The following ZNF274 variants were observed in gnomAD, a reference collection of about 807,000 sequenced individuals.
ZNF274 encodes zinc finger protein 274.
ZNF274 carries 23 observed loss-of-function variants against 42.5 expected under a neutral mutation model. That is an observed-to-expected ratio of 0.54 (90% CI 0.39 to 0.77). The LOEUF (loss-of-function observed/expected upper bound fraction) is 0.77, where lower values mean the gene tolerates loss of function less well. Ranked by LOEUF, ZNF274 falls within the 30% of genes least tolerant of loss-of-function variation. ZNF274 has a pLI of 0.00. For synonymous variants in ZNF274, 292 were observed against 305.4 expected, an observed-to-expected ratio of 0.96 and a Z score of 0.46; for missense variants, 679 against 806.5, an observed-to-expected ratio of 0.84 and a Z score of 1.91.
chr19:58,212,966 CTG>C lies in ZNF274; in HGVS notation c.1788_1789del (p.Cys596TrpfsTer47). On this transcript the variant is annotated frameshift_variant, in exon 8 of 8. Coordinates refer to ENST00000617501, the MANE Select transcript of ZNF274 (RefSeq NM_133502.3). LOFTEE classifies it low-confidence loss of function (END_TRUNC). The surrounding 1 kb of genome is among the most constrained non-coding windows in gnomAD (Gnocchi z 4.6). The part of the protein sequence containing the change: ...TGAKPYKCQD[C>X]GKAFRQSSHL... ...GCGCTAAGCCCTACAAGTGTCAGGA[CTG>C]TGGAAAAGCCTTCCGCCAGAGCTCC... 6.2e-7 allele frequency: 1 copy of C among 1,614,016 alleles called. No homozygotes were observed. Among genetic ancestry groups the C allele is most frequent in the Non-Finnish European group, 8.5e-7 (1 of 1,179,896 alleles).
intron 4 of ZNF274, among the ~76,000 whole-genome samples, chr19:58,197,073 G>A (rs2075851881): frequency 6.6e-6 from 1 of 152,150 alleles, no homozygotes; most frequent in African/African-American, 2.4e-5. Context: ...TAATTGCTGT[G>A]GGAAAGGTTT....
chr19:58,191,892 C>G (rs1028593547), intron 4 of ZNF274, among the ~76,000 whole-genome samples: 1 of 152,206 alleles, frequency 6.6e-6, no homozygotes, highest in Admixed American at 6.5e-5. Flanking sequence ...AACCAAAGCA[C>G]TTACATAATC....
chr19:58,190,272 T>C (rs1255727070), intron 4 of ZNF274, among the ~76,000 whole-genome samples: 2 of 151,514 alleles, frequency 1.3e-5, no homozygotes, highest in East Asian at 3.9e-4. Context: ...CTCAGCCTCC[T>C]GAGTAGCTGG....
At position 58,213,435 on chromosome 19, in the gene ZNF274, A is replaced by G. The variant is rs566224937; in HGVS notation, c.*292A>G. ...ATAAAATCTGAAAATGTTATATAAT[A>G]ACTTTAAAAAGCCAGGTAATTAATA... is the stretch of plus-strand genomic sequence containing the variant. On this transcript the variant is annotated 3_prime_UTR_variant, in exon 8 of 8. Coordinates refer to ENST00000617501, the MANE Select transcript of ZNF274 (RefSeq NM_133502.3). 1.6e-4 allele frequency: 54 copies of G among 329,636 alleles called. 1 individual carries two copies. The South Asian group carries it at 3.5e-3, about 21-fold the overall frequency. The allele number at this position is 329,636 out of a possible 1,614,324, so 20.4% of individuals were successfully genotyped here.
Position 58,183,782 on chromosome 19 carries a change from A to G in ZNF274, c.-45-139A>G, listed in dbSNP as rs113046258. On this transcript the variant is annotated intron_variant, in intron 1 of 7. Coordinates refer to ENST00000617501, the MANE Select transcript of ZNF274 (RefSeq NM_133502.3). ...TCCTATCCAGTCCTGTGGGAGTCCT[A>G]TGACTCACTCTGGGCGTTTTCCAGT... is the stretch of plus-strand genomic sequence containing the variant. The G allele has an allele frequency of 8.1e-3, 4,882 of 600,290 alleles. 41 individuals are homozygous for G. Among genetic ancestry groups the G allele is most frequent in the Non-Finnish European group, 9.5e-3 (3,202 of 338,702 alleles). The allele number at this position is 600,290 out of a possible 1,614,324, so 37.2% of individuals were successfully genotyped here. A position where few individuals can be genotyped will look rare whatever the true frequency, so the allele number is the denominator to read the frequency against.
chr19:58,186,425 C>T (rs2075699340), intron 3 of ZNF274, among the ~76,000 whole-genome samples: 1 of 149,100 alleles, frequency 6.7e-6, no homozygotes, highest in Non-Finnish European at 1.5e-5. Context: ...CCCAGCTACT[C>T]AGGAGGCTGA....
chr19:58,211,566 G>A lies in ZNF274; in HGVS notation c.859G>A (p.Val287Met). The A allele has an allele frequency of 1.2e-6, 2 of 1,612,616 alleles. No homozygotes were observed. Among genetic ancestry groups the A allele is most frequent in the Non-Finnish European group, 1.7e-6 (2 of 1,179,042 alleles). ...CPVTVLPEEPVTFQDVAVDFS... is the reference protein window; with the variant it reads ...CPVTVLPEEPMTFQDVAVDFS... ...CACATATGTGATGTTACAGGAGCCA[G>A]TGACCTTCCAGGATGTGGCTGTGGA... The change falls in exon 7 of 8, where the codon GTG becomes ATG. Residue 287 changes from valine (V) to methionine (M), a missense_variant. Val to Met is a conservative substitution (Grantham distance 21). Transcript: ENST00000617501. This position sits in a 1 kb window ranked among gnomAD's most constrained non-coding sequence, Gnocchi z 4.8.
At chr19:58,193,448 T>C (rs904332033) in intron 4 of ZNF274, among the ~76,000 whole-genome samples, 3 of 38,718 alleles carry the variant, frequency 7.7e-5, no homozygotes, top group Non-Finnish European at 1.6e-4. Flanking sequence ...GCCTGGCCTT[T>C]TTTTTTTTTT....
chr19:58,189,711 T>C (rs1016542376), intron 4 of ZNF274, among the ~76,000 whole-genome samples: 7 of 152,224 alleles, frequency 4.6e-5, no homozygotes, highest in African/African-American at 1.4e-4. Flanking sequence ...AAAATCTTGT[T>C]GGGATGTGTA....
intron 4 of ZNF274, among the ~76,000 whole-genome samples, chr19:58,191,290 A>G (rs1012876607): frequency 1.3e-5 from 2 of 152,150 alleles, no homozygotes; most frequent in African/African-American, 4.8e-5. Context: ...GGTGCACACC[A>G]CCACGCTCAG....
intron 4 of ZNF274, among the ~76,000 whole-genome samples, chr19:58,189,529 C>T (rs1416865774): frequency 1.3e-5 from 2 of 152,060 alleles, no homozygotes; most frequent in Non-Finnish European, 1.5e-5. Context: ...TATATACTGG[C>T]CTCTATGGGC....
intron 3 of ZNF274, chr19:58,186,136 A>T: frequency 1.2e-5 from 2 of 169,102 alleles, no homozygotes; most frequent in Non-Finnish European, 2.5e-5. Flanking sequence ...TGAGCCCAGG[A>T]GTTTGAGACC....
intron 4 of ZNF274, chr19:58,202,262 T>C (rs752982253): frequency 1.3e-5 from 2 of 152,256 alleles, no homozygotes; most frequent in Non-Finnish European, 2.9e-5. Flanking sequence ...GGAAGACAGC[T>C]GCCTAAGGCC....
intron 4 of ZNF274, among the ~76,000 whole-genome samples, chr19:58,206,320 G>C (rs1486275591): frequency 6.6e-6 from 1 of 152,158 alleles, no homozygotes; most frequent in Admixed American, 6.5e-5. Context: ...ACATCCCTCA[G>C]TTGATAGACA....
chr19:58,203,226 G>C (rs983886728), intron 4 of ZNF274, among the ~76,000 whole-genome samples: 6 of 152,088 alleles, frequency 3.9e-5, no homozygotes, highest in African/African-American at 1.4e-4. Context: ...CACTTAGTCC[G>C]GTGCTGCTGG....
At chr19:58,201,410 C>T (rs1307873167) in intron 4 of ZNF274, among the ~76,000 whole-genome samples, 2 of 152,054 alleles carry the variant, frequency 1.3e-5, no homozygotes, top group African/African-American at 4.8e-5. Context: ...ACCTCCAACA[C>T]AGCATCACTT....
chr19:58,198,393 A>G (rs184491490), intron 4 of ZNF274, among the ~76,000 whole-genome samples: 11 of 152,326 alleles, frequency 7.2e-5, no homozygotes, highest in Admixed American at 1.3e-4. Flanking sequence ...ATTTTAATAT[A>G]TAAATATACA....
At chr19:58,191,778 T>G (rs2075781451) in intron 4 of ZNF274, among the ~76,000 whole-genome samples, 1 of 152,198 alleles carries the variant, frequency 6.6e-6, no homozygotes, top group Non-Finnish European at 1.5e-5. Context: ...GAAAGAGTCC[T>G]TAATTAGATG....
intron 4 of ZNF274, among the ~76,000 whole-genome samples, chr19:58,204,671 A>T (rs1249862093): frequency 1.3e-5 from 2 of 152,028 alleles, no homozygotes; most frequent in Non-Finnish European, 2.9e-5. Flanking sequence ...ATCACGCTAA[A>T]AGTAGTGCAG....
Sources: allele counts gnomAD v4.1 joint callset (sites outside exome capture counted in the v4.1 genomes callset), GRCh38; gene constraint gnomAD v4.1.1; non-coding constraint Gnocchi (gnomAD v3.1); transcripts MANE v1.5; gene names NCBI Gene and HGNC (gene_info 2026-07-23, HGNC 2026-07-21).